Variants in NAV3 observed in about 807,000 individuals in gnomAD.
The protein encoded by NAV3 is pore membrane and/or filament interacting like protein 1.
A neutral mutation model predicts 244.7 loss-of-function variants in NAV3; 87 were observed. The ratio of observed to expected loss-of-function variants is 0.36; its 90% CI spans 0.30 to 0.42. The LOEUF is 0.42. NAV3 is among the 20% of genes least tolerant of loss of function. The probability of loss-of-function intolerance (pLI) is 1.00; values close to 1 mark genes in which losing one functional copy is unlikely to be tolerated. For synonymous variants in NAV3, 1,126 were observed against 1,042.2 expected (o/e 1.08, Z -1.55); for missense variants, 2,663 against 2,893.3 (o/e 0.92, Z 1.83).
At chr12:78,105,541 T>C (rs1954757851) in intron 12 of NAV3, among the ~76,000 whole-genome samples, 1 of 152,112 alleles carries the variant, frequency 6.6e-6, no homozygotes, top group Non-Finnish European at 1.5e-5. Flanking sequence ...TTTGAAACTT[T>C]TCTTAGTGAA....
At chr12:78,142,330 A>G (rs1956650827) in intron 20 of NAV3, among the ~76,000 whole-genome samples, 1 of 152,138 alleles carries the variant, frequency 6.6e-6, no homozygotes, top group Non-Finnish European at 1.5e-5. Context: ...CTAGTCTACC[A>G]GTGTCCAGTA....
At chr12:77,764,836 G>A (rs17044207) in intron 2 of NAV3, among the ~76,000 whole-genome samples, 1,639 of 152,334 alleles carry the variant, frequency 0.011, 28 homozygotes, top group African/African-American at 0.036. Context: ...GCGACAGCAA[G>A]TCTAGGTCAT....
In NAV3 at chr12:77,810,316, C is replaced by T. The variant is rs1017088834; in HGVS notation, c.73-130003C>T. The stretch of plus-strand genomic sequence containing the variant: ...CCTCCCGAGTAGCTGGGACTACAGG[C>T]GCCCGCCACCACGCCGGGCTAATTT... On this transcript the variant is annotated intron_variant, in intron 2 of 8. Transcript: ENST00000550042. 8.5e-5 allele frequency among the ~76,000 whole-genome samples: 13 copies of T among 152,180 alleles called. No individual in the cohort carries two copies. The South Asian group carries it at 1.0e-3, about 12-fold the overall frequency.
intron 1 of NAV3, among the ~76,000 whole-genome samples, chr12:77,878,870 C>G (rs1217262802): frequency 6.6e-6 from 1 of 151,724 alleles, no homozygotes. Context: ...GAATTATTTT[C>G]TCAGAATAGC....
At chr12:77,897,852 T>C (rs1884806711) in intron 1 of NAV3, among the ~76,000 whole-genome samples, 1 of 152,138 alleles carries the variant, frequency 6.6e-6, no homozygotes, top group Admixed American at 6.5e-5. Flanking sequence ...ATCTTTGTAT[T>C]TACCATGGAT....
chr12:77,915,386 G>T (rs1255542582), intron 1 of NAV3, among the ~76,000 whole-genome samples: 2 of 151,844 alleles, frequency 1.3e-5, no homozygotes, highest in Admixed American at 1.3e-4. Flanking sequence ...TTTGTTTAGG[G>T]TTTCTCTGAA....
intron 4 of NAV3, 67 bp from the exon 5 acceptor site, chr12:77,968,452 T>C (rs1017168620): frequency 8.2e-7 from 1 of 1,223,922 alleles, no homozygotes; most frequent in Middle Eastern, 2.6e-4. Flanking sequence ...GAGAAATGCA[T>C]CTAGAATTTG....
chr12:78,050,156 A>T, intron 10 of NAV3, 55 bp downstream of exon 10: 2 of 1,243,594 alleles, frequency 1.6e-6, no homozygotes, highest in Admixed American at 4.1e-5. Context: ...AATTACAAAC[A>T]AACATTTAAC....
At chr12:77,696,515 A>G (rs527312512) in intron 2 of NAV3, among the ~76,000 whole-genome samples, 1 of 152,242 alleles carries the variant, frequency 6.6e-6, no homozygotes, top group Non-Finnish European at 1.5e-5. Context: ...GACCAAAGCC[A>G]TGTCTAGCAC....
intron 2 of NAV3, among the ~76,000 whole-genome samples, chr12:77,778,586 T>G (rs1226607668): frequency 1.4e-5 from 2 of 140,250 alleles, no homozygotes; most frequent in Admixed American, 7.7e-5. Context: ...CACTCCAGCC[T>G]GGGCAACAGA....
At chr12:78,084,619 TG>T (rs1953531598) in intron 12 of NAV3, among the ~76,000 whole-genome samples, 1 of 152,082 alleles carries the variant, frequency 6.6e-6, no homozygotes, top group African/African-American at 2.4e-5. Context: ...TGCTCTCCTT[TG>T]CAATAAATCC....
chr12:77,597,314 C>G lies in NAV3; in HGVS notation c.72+25048C>G, dbSNP rs114023052. Among the ~76,000 whole-genome samples the G allele has an allele frequency of 4.8e-3, 723 of 152,136 alleles. 7 individuals carry two copies. The highest frequency in any genetic ancestry group is 0.016 in the African/African-American group (685 of 41,516). ...TTGCAGTGGCCTCTAATCAGTATTA[C>G]TCATATGATGTGAAATGACTTGCTT... On this transcript the variant is annotated intron_variant, in intron 2 of 8. Transcript: ENST00000550042.
chr12:77,767,854 G>T (rs1017929028), intron 2 of NAV3, among the ~76,000 whole-genome samples: 22 of 152,342 alleles, frequency 1.4e-4, no homozygotes, highest in African/African-American at 5.3e-4. Flanking sequence ...GAGCAAAGGA[G>T]GTGTGTGACA....
chr12:77,848,906 G>A (rs2136228279), intron 1 of NAV3, among the ~76,000 whole-genome samples: 1 of 152,236 alleles, frequency 6.6e-6, no homozygotes, highest in South Asian at 2.1e-4. Flanking sequence ...ATGATTCCAT[G>A]CAATTTCATA....
At chr12:78,157,309 G>C (rs569201971) in intron 22 of NAV3, among the ~76,000 whole-genome samples, 1 of 151,876 alleles carries the variant, frequency 6.6e-6, no homozygotes, top group African/African-American at 2.4e-5. Context: ...AACACTTTGC[G>C]GGGCCAAGGT....
At chr12:77,595,135 G>C (rs1411497920) in intron 2 of NAV3, among the ~76,000 whole-genome samples, 1 of 152,074 alleles carries the variant, frequency 6.6e-6, no homozygotes, top group Non-Finnish European at 1.5e-5. Context: ...ATTCACAATA[G>C]CCAAGATATG....
chr12:77,918,981 C>T (rs1332009435), intron 1 of NAV3, among the ~76,000 whole-genome samples: 1 of 151,728 alleles, frequency 6.6e-6, no homozygotes, highest in African/African-American at 2.4e-5. Flanking sequence ...TTATAATCTG[C>T]AGAGAATATA....
chr12:77,605,943 T>C (rs562554959), intron 2 of NAV3, among the ~76,000 whole-genome samples: 3 of 152,192 alleles, frequency 2.0e-5, no homozygotes, highest in East Asian at 3.9e-4. Context: ...CTTTATTGCA[T>C]GCGATTCCAC....
At chr12:77,661,036 A>G (rs1873418562) in intron 2 of NAV3, among the ~76,000 whole-genome samples, 1 of 152,192 alleles carries the variant, frequency 6.6e-6, no homozygotes, top group African/African-American at 2.4e-5. Context: ...CTTATGAATA[A>G]TGCTGCCATA....
Sources: allele counts gnomAD v4.1 joint callset (sites outside exome capture counted in the v4.1 genomes callset), GRCh38; gene constraint gnomAD v4.1.1; transcripts MANE v1.5; gene names NCBI Gene and HGNC (gene_info 2026-07-23, HGNC 2026-07-21).